The following PCCA variants were observed in gnomAD, a reference collection of about 807,000 sequenced individuals.
PCCA encodes propionyl-CoA carboxylase subunit alpha.
In PCCA, 74 loss-of-function variants were observed where a neutral mutation model predicts 101.3. The ratio of observed to expected loss-of-function variants is 0.73; its 90% CI spans 0.61 to 0.89. The LOEUF is 0.89. PCCA is among the 40% of genes least tolerant of loss of function. The pLI, the probability that PCCA is intolerant of heterozygous loss-of-function variation, is 0.00. For missense variants in PCCA, 891 were observed against 907.0 expected (o/e 0.98, Z 0.23); for synonymous variants, 294 against 313.6 (o/e 0.94, Z 0.66).
intron 19 of PCCA, among the ~76,000 whole-genome samples, chr13:100,401,873 A>G (rs1168508560): frequency 6.6e-6 from 1 of 152,190 alleles, no homozygotes; most frequent in Admixed American, 6.5e-5. Flanking sequence ...TTGAATAGAT[A>G]ATTTTTTTTT....
At chr13:100,342,613 C>T (rs371755386) in intron 18 of PCCA, among the ~76,000 whole-genome samples, 87 of 151,852 alleles carry the variant, frequency 5.7e-4, no homozygotes, top group Non-Finnish European at 1.0e-3. Flanking sequence ...GTAACTCAGA[C>T]GACTCTATCT....
In PCCA at chr13:100,515,611, A is replaced by AGC; in HGVS notation, c.2040+44_2040+45insGC. On this transcript the variant is annotated intron_variant, in intron 22 of 23. Coordinates refer to ENST00000376285, the MANE Select transcript of PCCA (RefSeq NM_000282.4). Reference sequence around the variant, plus strand: ...TCTCTGCAGGACATGCTGGTCTCCAACTTCCCCTTCCAAAGCGACGGCTAA... The same window carrying AGC: ...TCTCTGCAGGACATGCTGGTCTCCAAGCCTTCCCCTTCCAAAGCGACGGCTAA... 5 of 1,608,336 alleles carry AGC rather than the reference A, an allele frequency of 3.1e-6. No homozygotes were observed. In the South Asian group the frequency reaches 5.5e-5, roughly 18 times the overall value.
chr13:100,285,934 G>A (rs763658976), intron 12 of PCCA, among the ~76,000 whole-genome samples: 7 of 152,176 alleles, frequency 4.6e-5, no homozygotes, highest in Admixed American at 3.3e-4. Context: ...CCAGTGCCCA[G>A]TTAGTGGAAC....
At chr13:100,525,380 CTT>C (rs989619008) in intron 22 of PCCA, among the ~76,000 whole-genome samples, 2 of 152,226 alleles carry the variant, frequency 1.3e-5, no homozygotes, top group African/African-American at 2.4e-5. Context: ...TGCGTTACCT[CTT>C]TGCAAATCAC....
intron 18 of PCCA, among the ~76,000 whole-genome samples, chr13:100,354,108 AATAAT>A (rs1171412963): frequency 6.8e-6 from 1 of 146,114 alleles, no homozygotes; most frequent in Non-Finnish European, 1.5e-5. Flanking sequence ...TAATAATAAT[AATAAT>A]AATAATAAAA....
chr13:100,405,711 CTCCTTTTAAGG>C (rs774465306), intron 19 of PCCA, among the ~76,000 whole-genome samples: 18 of 151,676 alleles, frequency 1.2e-4, no homozygotes, highest in Non-Finnish European at 2.4e-4. Flanking sequence ...GGGTGGTCCT[CTCCTTTTAAGG>C]TCCCAAGCTA....
chr13:100,273,297 T>A lies in PCCA; in HGVS notation c.1016T>A (p.Val339Glu). Reference protein sequence around the residue: ...YSSAGTVEFLVDSKKNFYFLE... With the variant: ...YSSAGTVEFLEDSKKNFYFLE... ...TCTGCTGGGACCGTGGAGTTCCTTG[T>A]GGACTCTAAGAAGAATTTTTATTTC... Residue 339 changes from valine (V) to glutamate (E), a missense_variant, in exon 12 of 24, where the codon GTG becomes GAG. Transcript: ENST00000376285. 2 of 1,612,764 alleles carry A rather than the reference T, an allele frequency of 1.2e-6. No homozygotes were observed. Among genetic ancestry groups the A allele is most frequent in the Non-Finnish European group, 1.7e-6 (2 of 1,178,770 alleles).
intron 21 of PCCA, among the ~76,000 whole-genome samples, chr13:100,483,396 C>T (rs2084111126): frequency 6.6e-6 from 1 of 152,222 alleles, no homozygotes; most frequent in Admixed American, 6.5e-5. Context: ...TCTCAGCACA[C>T]ACTTAGCCGG....
At chr13:100,208,128 G>T (rs150849129) in intron 6 of PCCA, among the ~76,000 whole-genome samples, 1 of 152,120 alleles carries the variant, frequency 6.6e-6, no homozygotes, top group Non-Finnish European at 1.5e-5. Context: ...TCAGCTCAGC[G>T]TGTGCAAAGT....
intron 21 of PCCA, among the ~76,000 whole-genome samples, chr13:100,451,027 G>C (rs1303311302): frequency 6.6e-6 from 1 of 152,184 alleles, no homozygotes; most frequent in Non-Finnish European, 1.5e-5. Context: ...AAAATCTGCA[G>C]GGTAGATGAG....
In PCCA at chr13:100,436,835, C is replaced by A. The variant is rs1279990179; in HGVS notation, c.1845+11104C>A. On this transcript the variant is annotated intron_variant, in intron 20 of 23. Transcript: ENST00000376285. ...TACATTATAGAATGTTTTGCTGATT[C>A]TTTTTAGTTCCTGACCTCCCAACAT... is the stretch of plus-strand genomic sequence containing the variant. Among the ~76,000 whole-genome samples, 3 of 152,138 alleles carry A rather than the reference C, an allele frequency of 2.0e-5. No individual in the cohort carries two copies. The East Asian group carries it at 5.8e-4, about 29-fold the overall frequency.
chr13:100,310,813 T>C (rs2066853104), intron 16 of PCCA, among the ~76,000 whole-genome samples: 1 of 152,174 alleles, frequency 6.6e-6, no homozygotes, highest in African/African-American at 2.4e-5. Flanking sequence ...ATATAAAAAA[T>C]AAATTTTGTT....
At position 100,477,862 on chromosome 13, in the gene PCCA, C is replaced by T. The variant is rs568853145; in HGVS notation, c.1899+28557C>T. ...TCCTGGGAAAGAAAGAAGCCTCTAC[C>T]TTCCCTGGATTGAATGCAGCCCTTC... On this transcript the variant is annotated intron_variant, in intron 21 of 23. Transcript: ENST00000376285. Among the ~76,000 whole-genome samples the T allele has an allele frequency of 9.2e-5, 14 of 152,288 alleles. No individual in the cohort carries two copies. The South Asian group carries it at 2.9e-3, about 32-fold the overall frequency.
intron 6 of PCCA, among the ~76,000 whole-genome samples, chr13:100,189,913 A>G (rs1453303113): frequency 6.6e-6 from 1 of 152,218 alleles, no homozygotes; most frequent in African/African-American, 2.4e-5. Flanking sequence ...ACATGTTGTT[A>G]GTTTGAAAAT....
chr13:100,369,513 A>T (rs1174755282), intron 19 of PCCA, among the ~76,000 whole-genome samples: 3 of 152,184 alleles, frequency 2.0e-5, no homozygotes, highest in African/African-American at 7.2e-5. Context: ...TTGCATGCCT[A>T]CTGTGCACCA....
intron 7 of PCCA, among the ~76,000 whole-genome samples, chr13:100,220,463 C>G (rs1280029074): frequency 6.9e-6 from 1 of 144,152 alleles, no homozygotes; most frequent in Non-Finnish European, 1.5e-5. Flanking sequence ...CTAGTAGAGA[C>G]TGGGTTTCAC....
chr13:100,354,011 A>G (rs1013005489), intron 18 of PCCA, among the ~76,000 whole-genome samples: 9 of 150,934 alleles, frequency 6.0e-5, no homozygotes, highest in South Asian at 2.1e-4. Flanking sequence ...TGTAATCCCA[A>G]TTCTTTGGGA....
At chr13:100,408,332 C>A (rs1427382375) in intron 19 of PCCA, among the ~76,000 whole-genome samples, 1 of 152,202 alleles carries the variant, frequency 6.6e-6, no homozygotes, top group East Asian at 1.9e-4. Context: ...AAATACTTAG[C>A]AAACTTTGTA....
chr13:100,115,248 A>G (rs187407981), intron 4 of PCCA, among the ~76,000 whole-genome samples: 7 of 152,218 alleles, frequency 4.6e-5, no homozygotes, highest in Admixed American at 4.6e-4. Flanking sequence ...GAGAGAGAGT[A>G]GAAGGATGGT....
Sources: allele counts gnomAD v4.1 joint callset (sites outside exome capture counted in the v4.1 genomes callset), GRCh38; gene constraint gnomAD v4.1.1; transcripts MANE v1.5; gene names NCBI Gene and HGNC (gene_info 2026-07-23, HGNC 2026-07-21).